Variants in SYN3 observed in about 807,000 individuals in gnomAD.
SYN3 encodes synapsin III.
In SYN3, 35 loss-of-function variants were observed where a neutral mutation model predicts 65.8. That is an observed-to-expected ratio of 0.53 (90% CI 0.41 to 0.70). The LOEUF (loss-of-function observed/expected upper bound fraction) is 0.70, where lower values mean the gene tolerates loss of function less well. Among genes scored for constraint, SYN3 ranks in the 30% least tolerant of loss-of-function variants. The pLI is 0.00. For missense variants in SYN3, 680 were observed against 749.0 expected (o/e 0.91, Z 1.08); for synonymous variants, 270 against 292.9 (o/e 0.92, Z 0.80).
intron 1 of SYN3, among the ~76,000 whole-genome samples, chr22:33,027,521 C>T (rs1418201891): frequency 3.3e-5 from 5 of 151,840 alleles, no homozygotes; most frequent in Non-Finnish European, 7.4e-5. Flanking sequence ...CACTTGAACC[C>T]AGGAGGTAGA....
chr22:32,523,543 G>A (rs923648603), intron 12 of SYN3, among the ~76,000 whole-genome samples: 4 of 152,028 alleles, frequency 2.6e-5, no homozygotes, highest in Admixed American at 1.3e-4. Flanking sequence ...AACAAAAAAA[G>A]ACAGTGAACT....
rs1363469705 is a variant in SYN3, at chr22:32,662,829, G to A, written c.712-66093C>T. ...ATATGTGTTCCAAGCACTGTGCGTG[G>A]TATAGAATTACATGAGTGGATAGAT... On this transcript the variant is annotated intron_variant, in intron 6 of 13. Transcript: ENST00000358763. Among the ~76,000 whole-genome samples, 11 of 152,250 alleles carry A rather than the reference G, an allele frequency of 7.2e-5. No individual in the cohort carries two copies. The East Asian group carries it at 1.9e-3, about 27-fold the overall frequency.
intron 3 of SYN3, among the ~76,000 whole-genome samples, chr22:32,941,378 T>C (rs1250399502): frequency 6.6e-6 from 1 of 152,208 alleles, no homozygotes; most frequent in Non-Finnish European, 1.5e-5. Context: ...TTTTCCACCT[T>C]GTTGAAAGCT....
rs1022391779 is a variant in SYN3 at position 32,602,432 on chromosome 22, G to A, written c.712-5696C>T. Among the ~76,000 whole-genome samples the A allele has an allele frequency of 5.3e-5, 8 of 149,622 alleles. No individual in the cohort carries two copies. The South Asian group carries it at 8.3e-4, about 16-fold the overall frequency. On this transcript the variant is annotated intron_variant, in intron 6 of 13. Coordinates refer to ENST00000358763, the MANE Select transcript of SYN3 (RefSeq NM_003490.4). ...ATGTCAATAAAGATAGTTCTATCCC[G>A]ATAGTTTTTTGTTTTGTTTTGTTTT... is the stretch of plus-strand genomic sequence containing the variant.
At chr22:32,540,578 G>C (rs141016461) in intron 8 of SYN3, among the ~76,000 whole-genome samples, 2 of 152,318 alleles carry the variant, frequency 1.3e-5, no homozygotes, top group African/African-American at 4.8e-5. Flanking sequence ...CCAAGAACGA[G>C]ACAGTCTGCC....
Position 32,801,657 on chromosome 22 carries a change from T to G in SYN3, c.711+63258A>C, listed in dbSNP as rs1488457031. On this transcript the variant is annotated intron_variant, in intron 6 of 13. Transcript: ENST00000358763. The surrounding 1 kb of genome is among the most constrained non-coding windows in gnomAD (Gnocchi z 4.7). Reference sequence around the variant, plus strand: ...CGGGCCCCAACAGCCCGAGGCGGGGTCCCCGGGGGCCCAGCGCTATATCAC... The same window carrying G: ...CGGGCCCCAACAGCCCGAGGCGGGGGCCCCGGGGGCCCAGCGCTATATCAC... 2 of 161,982 alleles carry G rather than the reference T, an allele frequency of 1.2e-5. No homozygotes were observed. The highest frequency in any genetic ancestry group is 6.5e-5 in the Admixed American group (1 of 15,478). 10.0% of individuals were successfully genotyped at this position (161,982 alleles called of 1,614,324 possible).
At chr22:33,011,424 C>G (rs1190155917) in intron 1 of SYN3, among the ~76,000 whole-genome samples, 1 of 152,054 alleles carries the variant, frequency 6.6e-6, no homozygotes, top group African/African-American at 2.4e-5. Context: ...GGGATAAACC[C>G]CACTTGATCA....
At chr22:32,767,815 G>A (rs2045668087) in intron 6 of SYN3, among the ~76,000 whole-genome samples, 1 of 152,068 alleles carries the variant, frequency 6.6e-6, no homozygotes, top group African/African-American at 2.4e-5. Context: ...TCTAGGACTT[G>A]GGGACTCTTC....
intron 6 of SYN3, among the ~76,000 whole-genome samples, chr22:32,683,119 A>C (rs761570004): frequency 6.6e-6 from 1 of 152,182 alleles, no homozygotes; most frequent in Non-Finnish European, 1.5e-5. Flanking sequence ...CAGCCAATAA[A>C]ATGCCAGATG....
intron 6 of SYN3, among the ~76,000 whole-genome samples, chr22:32,692,012 A>C (rs2060667262): frequency 6.6e-6 from 1 of 151,846 alleles, no homozygotes; most frequent in Non-Finnish European, 1.5e-5. Flanking sequence ...TCTCTTGAAG[A>C]TTTGCAACAA....
chr22:32,706,507 C>A (rs1053371769), intron 6 of SYN3, among the ~76,000 whole-genome samples: 9 of 152,164 alleles, frequency 5.9e-5, no homozygotes, highest in African/African-American at 2.2e-4. Context: ...TTTTACACAT[C>A]TATAAAAGCC....
chr22:32,998,791 A>AAAAAAAAAAAC (rs1569393622), intron 2 of SYN3, among the ~76,000 whole-genome samples: 2 of 142,250 alleles, frequency 1.4e-5, no homozygotes, highest in Non-Finnish European at 3.0e-5. Flanking sequence ...AAAAAAAAAA[A>AAAAAAAAAAAC]AAAAAAAACA....
At chr22:32,920,151 C>T (rs1002510133) in intron 4 of SYN3, among the ~76,000 whole-genome samples, 13 of 152,196 alleles carry the variant, frequency 8.5e-5, no homozygotes. Context: ...CATTATCAGC[C>T]GCTGCGGTTT....
chr22:32,976,999 G>C (rs796096722), intron 3 of SYN3, among the ~76,000 whole-genome samples: 36 of 152,112 alleles, frequency 2.4e-4, no homozygotes, highest in South Asian at 1.7e-3. Context: ...ATTCCTGGGG[G>C]GGGGGTTGCT....
chr22:32,692,219 A>G (rs2060674184), intron 6 of SYN3, among the ~76,000 whole-genome samples: 1 of 148,444 alleles, frequency 6.7e-6, no homozygotes, highest in Non-Finnish European at 1.5e-5. Context: ...GCAGACACAC[A>G]GCTCAAAGAA....
rs149634898 is a variant in SYN3 at position 32,997,023 on chromosome 22, A to G, written c.311+9329T>C. On this transcript the variant is annotated intron_variant, in intron 2 of 13. Coordinates refer to ENST00000358763, the MANE Select transcript of SYN3 (RefSeq NM_003490.4). ...CCCAGGGTCCTGCTCCCCGAGGTCA[A>G]CACCCTCAGGAGCAGTAGAGGAGGG... 6.6e-5 allele frequency among the ~76,000 whole-genome samples: 10 copies of G among 152,264 alleles called. No homozygotes were observed. In the East Asian group the frequency reaches 1.9e-3, roughly 29 times the overall value.
rs1480966888 is a variant in SYN3 at position 32,511,416 on chromosome 22, A to C, written c.*2276T>G. On this transcript the variant is annotated 3_prime_UTR_variant, in exon 14 of 14. Transcript: ENST00000358763. ...AGCAGCTTCATGTGTCTGACTGCCC[A>C]CTGCATCATCTCAGCTGCCTCTGGA... Among the ~76,000 whole-genome samples the C allele has an allele frequency of 2.0e-5, 3 of 152,222 alleles. No homozygotes were observed. The highest frequency in any genetic ancestry group is 4.4e-5 in the Non-Finnish European group (3 of 68,044).
At chr22:32,903,475 G>T (rs984785533) in intron 4 of SYN3, among the ~76,000 whole-genome samples, 2 of 152,150 alleles carry the variant, frequency 1.3e-5, no homozygotes, top group Non-Finnish European at 2.9e-5. Context: ...CTGTTCTGGG[G>T]CCTTTTCCTC....
At chr22:32,697,245 A>C (rs895215885) in intron 6 of SYN3, among the ~76,000 whole-genome samples, 3 of 152,224 alleles carry the variant, frequency 2.0e-5, no homozygotes, top group African/African-American at 7.2e-5. Context: ...TCAGGAGGAA[A>C]CATCAACAGA....
Sources: allele counts gnomAD v4.1 joint callset (sites outside exome capture counted in the v4.1 genomes callset), GRCh38; gene constraint gnomAD v4.1.1; non-coding constraint Gnocchi (gnomAD v3.1); transcripts MANE v1.5; gene names NCBI Gene and HGNC (gene_info 2026-07-23, HGNC 2026-07-21).